Variants in MYH3 observed in about 807,000 individuals in gnomAD.
The protein encoded by MYH3 is myosin heavy chain 3, also known as myosin-3.
A neutral mutation model predicts 238.0 loss-of-function variants in MYH3; 130 were observed. The ratio of observed to expected loss-of-function variants is 0.55; its 90% CI spans 0.47 to 0.63. MYH3 has a LOEUF of 0.63. Ranked by LOEUF, MYH3 falls within the 30% of genes least tolerant of loss-of-function variation. MYH3 has a pLI of 0.00. For missense variants in MYH3, 1,853 were observed against 2,374.9 expected, an observed-to-expected ratio of 0.78 and a Z score of 4.57; for synonymous variants, 880 against 924.1, an observed-to-expected ratio of 0.95 and a Z score of 0.86.
intron 40 of MYH3, 122 bp downstream of exon 40, chr17:10,629,475 G>A (rs2074129685): frequency 7.5e-7 from 1 of 1,328,704 alleles, no homozygotes; most frequent in African/African-American, 1.5e-5. Context: ...GTGACTTTAA[G>A]CACTTTCTCT....
At chr17:10,669,798 C>G in the MYH3 span, among the ~76,000 whole-genome samples, 2 of 152,060 alleles carry the variant, frequency 1.3e-5, no homozygotes. Context: ...GTAGTCCTAG[C>G]TACTCCAGAC....
chr17:10,632,784 C>G lies in MYH3; in HGVS notation c.4648G>C (p.Ala1550Pro), dbSNP rs747352754. 1 of 1,614,178 alleles carries G rather than the reference C, an allele frequency of 6.2e-7. No homozygotes were observed. The highest frequency in any genetic ancestry group is 1.3e-5 in the African/African-American group (1 of 75,046). The change falls in exon 34 of 41, where the codon GCT (alanine) becomes CCT (proline). Residue 1550 changes from alanine (A) to proline (P), a missense_variant and splice_region_variant. Around this residue, in one of 3 missense-constraint regions of MYH3, gnomAD observed 1,044 missense variants for 1,192.6 expected, o/e 0.88. Transcript: ENST00000583535. ...TTGGCTTCTTCATGCTCAAGAGCAG[C>G]CTTTAAGAAACAAAAGCAAATCAAA... is the stretch of plus-strand genomic sequence containing the variant. ...DIQLALEEAE[A>P]ALEHEEAKIL...
rs756738389 is a variant in MYH3, at chr17:10,641,199, G to A, written c.2051C>T (p.Ala684Val). Residue 684 changes from alanine to valine, a missense_variant, in exon 19 of 41, where the codon GCT becomes GTT. By Grantham distance (64) the Ala-to-Val change is moderately conservative. Around this residue, in one of 3 missense-constraint regions of MYH3, gnomAD observed 678 missense variants for 1,058.9 expected, o/e 0.64. Coordinates refer to ENST00000583535, the MANE Select transcript of MYH3 (RefSeq NM_002470.4). ...IIPNETKTPG[A>V]MEHSLVLHQL... is the part of the protein sequence containing the mutation. The stretch of plus-strand genomic sequence containing the variant: ...GTGCAGAACAAGGCTGTGTTCCATA[G>A]CCCCTGGGAACAGAAGCGAGATATC... The A allele has an allele frequency of 6.2e-6, 10 of 1,613,800 alleles. No homozygotes were observed. In the East Asian group the frequency reaches 1.8e-4, roughly 29 times the overall value.
Position 10,639,819 on chromosome 17 carries a change from T to A in MYH3, c.2683-17A>T. On this transcript the variant is annotated splice_polypyrimidine_tract_variant and intron_variant, in intron 22 of 40. Transcript: ENST00000583535. ...TTCGCTTTCCTTAAAAAAAAAAGAATAATAACTTCGTTGAATGATATAAGG... is the reference window on the plus strand; with the variant it reads ...TTCGCTTTCCTTAAAAAAAAAAGAAAAATAACTTCGTTGAATGATATAAGG... 1.2e-6 allele frequency: 2 copies of A among 1,612,934 alleles called. No homozygotes were observed. Among genetic ancestry groups the A allele is most frequent in the Non-Finnish European group, 1.7e-6 (2 of 1,179,130 alleles).
chr17:10,643,090 A>G, intron 14 of MYH3, 94 bp from the exon 15 acceptor site: 1 of 1,600,940 alleles, frequency 6.2e-7, no homozygotes, highest in Non-Finnish European at 8.5e-7. Flanking sequence ...GGTTCCTGTC[A>G]AACACATTAA....
chr17:10,659,208 C>T (rs2074463783), upstream of MYH3: 1 of 152,228 alleles, frequency 6.6e-6, no homozygotes, highest in Non-Finnish European at 1.5e-5. Context: ...CCATACTCAC[C>T]TCCAGGAGAC....
intron 32 of MYH3, 141 bp downstream of exon 32, chr17:10,633,876 G>A (rs527420177): frequency 2.0e-5 from 30 of 1,467,696 alleles, no homozygotes; most frequent in African/African-American, 9.7e-5. Context: ...AACGTAACCC[G>A]TCAGATGGTG....
chr17:10,630,033 T>C, intron 38 of MYH3, 59 bp downstream of exon 38: 1 of 1,606,072 alleles, frequency 6.2e-7, no homozygotes, highest in African/African-American at 1.3e-5. Context: ...CTTCCTGTGG[T>C]TTGATGGAGA....
At chr17:10,650,035 G>A (rs2074360261) in intron 6 of MYH3, among the ~76,000 whole-genome samples, 2 of 151,958 alleles carry the variant, frequency 1.3e-5, no homozygotes, top group Admixed American at 1.3e-4. Flanking sequence ...GCAGTGGCGC[G>A]ATCTCGGCTC....
intron 23 of MYH3, 25 bp downstream of exon 23, chr17:10,639,535 C>G (rs770234194): frequency 6.2e-7 from 1 of 1,613,982 alleles, no homozygotes; most frequent in Non-Finnish European, 8.5e-7. Flanking sequence ...CTATATCAAG[C>G]TAGACACACC....
chr17:10,644,476 A>G lies in MYH3; in HGVS notation c.1285T>C (p.Ser429Pro). The G allele has an allele frequency of 6.2e-7, 1 of 1,614,222 alleles. No individual in the cohort carries two copies. Among genetic ancestry groups the G allele is most frequent in the Admixed American group, 1.7e-5 (1 of 60,026 alleles). Residue 429 changes from serine (S) to proline (P), a missense_variant, in exon 14 of 41, where the codon TCA (serine) becomes CCA (proline). By Grantham distance (74) the Ser-to-Pro change is moderately conservative. Coordinates refer to ENST00000583535, the MANE Select transcript of MYH3 (RefSeq NM_002470.4). ...AACAACTTTTCATAAACTGATTTTG[A>G]AAGAGCATTCACAGCATGGTGAACC... is the stretch of plus-strand genomic sequence containing the variant. ...DQVHHAVNAL[S>P]KSVYEKLFLW... is the part of the protein sequence containing the mutation.
In MYH3 at chr17:10,638,360, T is replaced by C. The variant is rs1463075095; in HGVS notation, c.3412A>G (p.Ser1138Gly). 6.2e-7 allele frequency: 1 copy of C among 1,608,586 alleles called. No individual in the cohort carries two copies. The change falls in exon 27 of 41, where the codon AGC (serine) becomes GGC (glycine). Residue 1138 changes from serine to glycine, a missense_variant. This residue lies in a region of MYH3 where 1,044 missense variants were observed against 1,192.6 expected (regional missense o/e 0.88). Coordinates refer to ENST00000583535, the MANE Select transcript of MYH3 (RefSeq NM_002470.4). ...TCCTCCAGCTCCCGGGCATAGTCGC[T>C]GCGCTGTTTCTCTGTCTTCGCGCGG... ...ATRAKTEKQR[S>G]DYARELEELS...
the MYH3 span, chr17:10,675,953 G>C: frequency 3.9e-5 from 6 of 152,146 alleles, no homozygotes; most frequent in Non-Finnish European, 8.8e-5. Context: ...CTGCATCATA[G>C]CTCCTTGAAA....
chr17:10,635,300 G>A lies in MYH3; in HGVS notation c.4172+67C>T, dbSNP rs1202206900. 5.6e-6 allele frequency: 9 copies of A among 1,612,062 alleles called. No homozygotes were observed. In the African/African-American group the frequency reaches 9.3e-5, roughly 17 times the overall value. Reference sequence around the variant, plus strand: ...GACACATGAGATGGGGAAACGCCTAGTAATAAAAATAAATTCATCGAATTC... The same window carrying A: ...GACACATGAGATGGGGAAACGCCTAATAATAAAAATAAATTCATCGAATTC... On this transcript the variant is annotated intron_variant, in intron 30 of 40. Transcript: ENST00000583535.
At chr17:10,647,485 T>G in intron 8 of MYH3, 59 bp from the exon 9 acceptor site, 2 of 1,568,294 alleles carry the variant, frequency 1.3e-6, no homozygotes, top group Non-Finnish European at 1.8e-6. Flanking sequence ...TAGTTCCTAT[T>G]CATCTTATGG....
chr17:10,650,239 G>A (rs184671855), intron 6 of MYH3, 135 bp downstream of exon 6: 38 of 794,992 alleles, frequency 4.8e-5, no homozygotes, highest in Non-Finnish European at 7.4e-5. Flanking sequence ...GCCTACCAAA[G>A]TGCTGGGATT....
At chr17:10,638,767 G>C (rs1342795941) in intron 26 of MYH3, 106 bp downstream of exon 26, 29 of 1,138,842 alleles carry the variant, frequency 2.5e-5, no homozygotes, top group Non-Finnish European at 3.6e-5. Flanking sequence ...CATGAGGCAG[G>C]TGGCCCCACA....
chr17:10,636,814 T>A (rs1001848857), intron 28 of MYH3, among the ~76,000 whole-genome samples: 1 of 151,718 alleles, frequency 6.6e-6, no homozygotes, highest in Non-Finnish European at 1.5e-5. Context: ...CTCAGGAGGC[T>A]GAGGCAAGAG....
chr17:10,631,674 C>T lies in MYH3; in HGVS notation c.5223G>A (p.Glu1741=). ...TTGCATCCCTGCTGGCATCTTCTAC[C>T]TCACTCTGGAGCTGCATGAGGTCTG... The part of the protein sequence containing the change: ...LETDLMQLQS[E]VEDASRDARN... Residue 1741 remains glutamate (E), a synonymous_variant, in exon 36 of 41, where the codon GAG becomes GAA. Transcript: ENST00000583535. 6.2e-7 allele frequency: 1 copy of T among 1,614,162 alleles called. No individual in the cohort carries two copies. The highest frequency in any genetic ancestry group is 8.5e-7 in the Non-Finnish European group (1 of 1,180,030).
Sources: gnomAD v4.1 joint callset for allele counts (sites outside exome capture counted in the v4.1 genomes callset) on GRCh38, gnomAD v4.1.1 for gene constraint, gnomAD v4.1.1 regional missense constraint, MANE v1.5 for transcripts, NCBI Gene and HGNC (gene_info 2026-07-23, HGNC 2026-07-21) for gene names.